The following ANKS1A variants were observed in gnomAD, a reference collection of about 807,000 sequenced individuals.
ANKS1A encodes the protein ankyrin repeat and sterile alpha motif domain containing 1A.
Under a neutral mutation model 120.3 loss-of-function variants are expected in ANKS1A, and 55 were observed. That is an observed-to-expected ratio of 0.46 (90% confidence interval 0.37 to 0.57). The LOEUF (loss-of-function observed/expected upper bound fraction) is 0.57. Among genes scored for constraint, ANKS1A ranks in the 20% least tolerant of loss-of-function variants. The pLI is 0.00. For synonymous variants in ANKS1A, 590 were observed against 604.7 expected (o/e 0.98, Z 0.36); for missense variants, 1,123 against 1,480.3 (o/e 0.76, Z 3.96).
chr6:35,050,320 T>A lies in ANKS1A; in HGVS notation c.2011-3779T>A, dbSNP rs565292889. 3.4e-4 allele frequency among the ~76,000 whole-genome samples: 51 copies of A among 152,108 alleles called. 1 individual carries two copies. In the South Asian group the frequency reaches 0.01, roughly 31 times the overall value. On this transcript the variant is annotated intron_variant, in intron 11 of 23. Coordinates refer to ENST00000360359, the MANE Select transcript of ANKS1A (RefSeq NM_015245.3). The surrounding 1 kb of genome is among the most constrained non-coding windows in gnomAD (Gnocchi z 4.3). ...AAGTCCTTATATTAACAAACACGAG[T>A]ATAAGTTTTCAGTCAGTTCACGTGA...
intron 11 of ANKS1A, among the ~76,000 whole-genome samples, chr6:35,023,302 A>G (rs898970811): frequency 1.3e-5 from 2 of 152,188 alleles, no homozygotes; most frequent in Non-Finnish European, 2.9e-5. Flanking sequence ...CTTTTCCTGC[A>G]GGGACCCTGA....
At chr6:34,989,065 G>C (rs935507628) in intron 8 of ANKS1A, among the ~76,000 whole-genome samples, 159 bp from the exon 9 acceptor site, 14 of 152,328 alleles carry the variant, frequency 9.2e-5, no homozygotes, top group African/African-American at 2.9e-4. Context: ...TGTATGCACA[G>C]AGTTCTCCAT....
At chr6:34,996,031 A>G (rs1772835260) in intron 10 of ANKS1A, among the ~76,000 whole-genome samples, 1 of 152,128 alleles carries the variant, frequency 6.6e-6, no homozygotes, top group Admixed American at 6.5e-5. Context: ...TGATTATACC[A>G]TTTTGCGTTT....
At position 35,057,199 on chromosome 6, in the gene ANKS1A, C is replaced by T. The variant is rs141879459; in HGVS notation, c.2078-2948C>T. On this transcript the variant is annotated intron_variant, in intron 12 of 23. Transcript: ENST00000360359. This position sits in a 1 kb window ranked among gnomAD's most constrained non-coding sequence, Gnocchi z 4.1. ...GTTTTTAGGGCCACAGGCCCCTGGGCTGCCACCACTGGAGCTAGTTAGCTG... is the reference window on the plus strand; with the variant it reads ...GTTTTTAGGGCCACAGGCCCCTGGGTTGCCACCACTGGAGCTAGTTAGCTG... Among the ~76,000 whole-genome samples, 2 of 152,252 alleles carry T rather than the reference C, an allele frequency of 1.3e-5. No homozygotes were observed. The highest frequency in any genetic ancestry group is 4.8e-5 in the African/African-American group (2 of 41,570).
At chr6:34,963,248 A>C (rs1020148906) in intron 1 of ANKS1A, among the ~76,000 whole-genome samples, 2 of 152,108 alleles carry the variant, frequency 1.3e-5, no homozygotes, top group African/African-American at 2.4e-5. Context: ...TCCTGACTGA[A>C]ATTTTGTTCC....
intron 8 of ANKS1A, among the ~76,000 whole-genome samples, chr6:34,987,049 T>C (rs1772249621): frequency 6.6e-6 from 1 of 152,218 alleles, no homozygotes; most frequent in African/African-American, 2.4e-5. Flanking sequence ...CCTGCTCTCC[T>C]TTTTGCCTCC....
chr6:35,073,929 A>T (rs1261521451), intron 13 of ANKS1A, among the ~76,000 whole-genome samples: 3 of 152,246 alleles, frequency 2.0e-5, no homozygotes, highest in East Asian at 3.9e-4. Flanking sequence ...AGATATGGCT[A>T]CTTCAGGAAT....
intron 1 of ANKS1A, among the ~76,000 whole-genome samples, chr6:34,891,239 A>G (rs1766807430): frequency 6.6e-6 from 1 of 152,114 alleles, no homozygotes; most frequent in African/African-American, 2.4e-5. Context: ...GAGAATGGAG[A>G]CTTATTTGGT....
intron 1 of ANKS1A, among the ~76,000 whole-genome samples, chr6:34,901,410 T>A (rs374347862): frequency 2.0e-5 from 3 of 152,342 alleles, no homozygotes; most frequent in East Asian, 3.9e-4. Context: ...CCTTGGTACT[T>A]TAATCTTCAC....
chr6:35,015,924 C>CT (rs1773979341), intron 10 of ANKS1A, among the ~76,000 whole-genome samples: 1 of 152,182 alleles, frequency 6.6e-6, no homozygotes, highest in South Asian at 2.1e-4. Flanking sequence ...CAAGAAGGGG[C>CT]TTTGGGCCTT....
At chr6:34,969,364 C>G (rs1022819289) in intron 2 of ANKS1A, among the ~76,000 whole-genome samples, 1 of 152,162 alleles carries the variant, frequency 6.6e-6, no homozygotes, top group Non-Finnish European at 1.5e-5. Flanking sequence ...AGCAATTCTC[C>G]CTGCTTCACC....
chr6:34,942,376 T>TA (rs1769578845), intron 1 of ANKS1A, among the ~76,000 whole-genome samples: 1 of 152,244 alleles, frequency 6.6e-6, no homozygotes, highest in African/African-American at 2.4e-5. Flanking sequence ...TCACTTGAGT[T>TA]TAAGGTCTAG....
downstream of ANKS1A, chr6:35,091,460 A>AGAGGCGTGGGCACAGGC (rs1778299603): frequency 3.3e-5 from 32 of 980,694 alleles, no homozygotes; most frequent in Non-Finnish European, 3.9e-5. Flanking sequence ...GTTTTCTGGC[A>AGAGGCGTGGGCACAGGC]GAGGCGTGGG....
At chr6:34,981,649 C>A in intron 3 of ANKS1A, 41 bp from the exon 4 acceptor site, 1 of 1,591,542 alleles carries the variant, frequency 6.3e-7, no homozygotes, top group Non-Finnish European at 8.6e-7. Context: ...TGCCTGTCTG[C>A]CAGTGACCTT....
At position 34,922,954 on chromosome 6, in the gene ANKS1A, G is replaced by A. The variant is rs971354595; in HGVS notation, c.197+33355G>A. On this transcript the variant is annotated intron_variant, in intron 1 of 23. Transcript: ENST00000360359. Reference sequence around the variant, plus strand: ...GATCCGCCCCTCTCGGCCTCCCAAAGTGCTGGGATTACAGGTGTGAGCCAC... The same window carrying A: ...GATCCGCCCCTCTCGGCCTCCCAAAATGCTGGGATTACAGGTGTGAGCCAC... 2.6e-5 allele frequency among the ~76,000 whole-genome samples: 4 copies of A among 152,254 alleles called. No individual in the cohort carries two copies. The East Asian group carries it at 7.7e-4, about 29-fold the overall frequency.
chr6:35,074,186 G>A (rs780217601), intron 13 of ANKS1A, among the ~76,000 whole-genome samples: 3 of 152,266 alleles, frequency 2.0e-5, no homozygotes, highest in Non-Finnish European at 4.4e-5. Flanking sequence ...CTGGGGTTGA[G>A]TGGGAGTTTA....
chr6:34,915,234 C>G (rs1310405222), intron 1 of ANKS1A, among the ~76,000 whole-genome samples: 1 of 152,174 alleles, frequency 6.6e-6, no homozygotes, highest in African/African-American at 2.4e-5. Context: ...CTCCTTGCCC[C>G]TAGGTCAGTG....
chr6:34,925,428 T>C (rs929887096), intron 1 of ANKS1A, among the ~76,000 whole-genome samples: 4 of 152,182 alleles, frequency 2.6e-5, no homozygotes, highest in African/African-American at 9.7e-5. Context: ...CATTGGGCCT[T>C]GGGGCAAAGG....
chr6:35,063,059 G>C (rs1239616510), intron 13 of ANKS1A, among the ~76,000 whole-genome samples: 1 of 152,210 alleles, frequency 6.6e-6, no homozygotes, highest in Admixed American at 6.5e-5. Flanking sequence ...CAGGCAACTT[G>C]AACTTTATCC....
Sources: allele counts gnomAD v4.1 joint callset (sites outside exome capture counted in the v4.1 genomes callset), GRCh38; gene constraint gnomAD v4.1.1; non-coding constraint Gnocchi (gnomAD v3.1); transcripts MANE v1.5; gene names NCBI Gene and HGNC (gene_info 2026-07-23, HGNC 2026-07-21).